PLEKHG6: variants seen among roughly 807,000 people sequenced by gnomAD.
PLEKHG6 encodes pleckstrin homology domain-containing family G member 6.
A neutral mutation model predicts 97.5 loss-of-function variants in PLEKHG6; 91 were observed. The ratio of observed to expected loss-of-function variants is 0.93; its 90% CI spans 0.79 to 1.11. The LOEUF is 1.11. PLEKHG6 is among the 50% of genes most tolerant of loss of function. The pLI, the probability that PLEKHG6 is intolerant of heterozygous loss-of-function variation, is 0.00. For missense variants in PLEKHG6, 1,044 were observed against 1,031.0 expected (o/e 1.01, Z -0.17); for synonymous variants, 466 against 425.5 (o/e 1.10, Z -1.17).
chr12:6,321,688 G>A (rs4764575), intron 13 of PLEKHG6, among the ~76,000 whole-genome samples: 79,626 of 150,732 alleles, frequency 0.53, 21,929 homozygotes, highest in Non-Finnish European at 0.62. Context: ...TTAGCCGGGC[G>A]CGGTGGCGGG....
At chr12:6,325,764 T>G (rs932001432) in intron 13 of PLEKHG6, among the ~76,000 whole-genome samples, 1 of 152,178 alleles carries the variant, frequency 6.6e-6, no homozygotes, top group African/African-American at 2.4e-5. Context: ...GGGGAAGACC[T>G]GATAACAGGT....
chr12:6,317,256 G>T, intron 7 of PLEKHG6, 47 bp from the exon 8 acceptor site: 1 of 1,233,378 alleles, frequency 8.1e-7, no homozygotes. Context: ...TGTATTCATG[G>T]CCTTCTCCCC....
At chr12:6,312,396 G>T (rs1947302814) in intron 2 of PLEKHG6, 32 bp downstream of exon 2, 1 of 1,555,068 alleles carries the variant, frequency 6.4e-7, no homozygotes, top group Non-Finnish European at 8.6e-7. Context: ...AAAGTGACCT[G>T]GTGGGGCAGG....
rs149256065 is a variant in PLEKHG6 at position 6,312,758 on chromosome 12, G to C, written c.138+394G>C. 6.1e-4 allele frequency: 721 copies of C among 1,180,302 alleles called. 5 individuals carry two copies. The African/African-American group carries it at 0.01, about 16-fold the overall frequency. The allele number at this position is 1,180,302 out of a possible 1,614,324, so 73.1% of individuals were successfully genotyped here. ...TGAGTCAGGATGAAGATGAGCAAAG[G>C]TTCAGGGTGTCCCTACTCCTCCAGT... On this transcript the variant is annotated intron_variant, in intron 2 of 15. Coordinates refer to ENST00000684764, the MANE Select transcript of PLEKHG6 (RefSeq NM_001384598.1).
chr12:6,313,516 G>T, intron 2 of PLEKHG6, 113 bp from the exon 3 acceptor site: 1 of 1,300,590 alleles, frequency 7.7e-7, no homozygotes, highest in East Asian at 2.4e-5. Context: ...GAGCCAGCCC[G>T]ACTTACCAGG....
intron 10 of PLEKHG6, 33 bp downstream of exon 10, chr12:6,318,027 G>A: frequency 1.9e-6 from 3 of 1,562,010 alleles, no homozygotes; most frequent in Non-Finnish European, 2.6e-6. Flanking sequence ...CCCAGGAAAA[G>A]CAAGGTCCCA....
At chr12:6,323,294 A>G (rs1434242603) in intron 13 of PLEKHG6, among the ~76,000 whole-genome samples, 2 of 152,236 alleles carry the variant, frequency 1.3e-5, no homozygotes, top group Non-Finnish European at 2.9e-5. Context: ...AAGAAAACTG[A>G]AACTTTGAAA....
intron 3 of PLEKHG6, among the ~76,000 whole-genome samples, chr12:6,314,277 C>T (rs776853153): frequency 1.7e-4 from 26 of 152,144 alleles, no homozygotes; most frequent in African/African-American, 4.3e-4. Flanking sequence ...CCAAGACGGG[C>T]GGATCACCTG....
rs1287126087 is a variant in PLEKHG6, at chr12:6,316,308, G to A, written c.660G>A (p.Arg220=). ...GNVPSLIRTH[R]SFWDEVLGPT... is the part of the protein sequence containing the mutation. The stretch of plus-strand genomic sequence containing the variant: ...TCCCCAGCCTGATTCGAACCCACCG[G>A]AGCTTTTGGGATGAGGTGCTGGGGC... Residue 220 remains arginine, a synonymous_variant, in exon 7 of 16, where the codon CGG becomes CGA. Transcript: ENST00000684764. This position sits in a 1 kb window ranked among gnomAD's most constrained non-coding sequence, Gnocchi z 4.1. The A allele has an allele frequency of 6.4e-7, 1 of 1,556,994 alleles. No individual in the cohort carries two copies. The highest frequency in any genetic ancestry group is 1.2e-5 in the South Asian group (1 of 84,350).
At position 6,317,379 on chromosome 12, in the gene PLEKHG6, A is replaced by T; in HGVS notation, c.833A>T (p.Gln278Leu). ...ACCATGGCTTACGCCCGAGAACAGC[A>T]AGAAACTAACCCTCTCTTCCATGCC... is the stretch of plus-strand genomic sequence containing the variant. ...KQTMAYAREQQETNPLFHAFV... is the reference protein window; with the variant it reads ...KQTMAYAREQLETNPLFHAFV... Residue 278 changes from glutamine (Q) to leucine (L), a missense_variant, in exon 8 of 16, where the codon CAA (glutamine) becomes CTA (leucine). Gln to Leu is a moderately radical substitution (Grantham distance 113). Transcript: ENST00000684764. 5 of 1,614,108 alleles carry T rather than the reference A, an allele frequency of 3.1e-6. No individual in the cohort carries two copies. The highest frequency in any genetic ancestry group is 4.2e-6 in the Non-Finnish European group (5 of 1,179,998).
chr12:6,312,961 T>C lies in PLEKHG6; in HGVS notation c.138+597T>C, dbSNP rs143599995. The C allele has an allele frequency of 1.2e-3, 1,702 of 1,425,718 alleles. 15 individuals are homozygous for C. The African/African-American group carries it at 0.022, about 19-fold the overall frequency. 88.3% of individuals were successfully genotyped at this position (1,425,718 alleles called of 1,614,324 possible). A position where few individuals can be genotyped will look rare whatever the true frequency, so the allele number is the denominator to read the frequency against. The stretch of plus-strand genomic sequence containing the variant: ...GTGGCTGGGACATCCCCTGCCTCAA[T>C]GCACGATAATTTTGCCTTTGGAGAT... On this transcript the variant is annotated intron_variant, in intron 2 of 15. Coordinates refer to ENST00000684764, the MANE Select transcript of PLEKHG6 (RefSeq NM_001384598.1).
Position 6,318,863 on chromosome 12 carries a change from C to G in PLEKHG6, c.1394C>G (p.Pro465Arg). 6.2e-7 allele frequency: 1 copy of G among 1,614,234 alleles called. No homozygotes were observed. The highest frequency in any genetic ancestry group is 8.5e-7 in the Non-Finnish European group (1 of 1,180,038). ...ATGCTGGAGAAGCTCGTGTGCCAAC[C>G]CCTGCGAGACCCCAGTACGTCCTTC... ...PLMLEKLVCQPLRDPNSFLLI... is the reference protein window; with the variant it reads ...PLMLEKLVCQRLRDPNSFLLI... Residue 465 changes from proline (P) to arginine (R), a missense_variant, in exon 12 of 16, where the codon CCC becomes CGC. Physicochemically the swap from Pro to Arg is moderately radical, Grantham distance 103. Coordinates refer to ENST00000684764, the MANE Select transcript of PLEKHG6 (RefSeq NM_001384598.1).
chr12:6,315,471 A>T lies in PLEKHG6; in HGVS notation c.460-83A>T. The T allele has an allele frequency of 1.1e-6, 1 of 895,346 alleles. No individual in the cohort carries two copies. Among genetic ancestry groups the T allele is most frequent in the Non-Finnish European group, 1.8e-6 (1 of 570,180 alleles). The allele number at this position is 895,346 out of a possible 1,614,324, so 55.5% of individuals were successfully genotyped here. A position where few individuals can be genotyped will look rare whatever the true frequency, so the allele number is the denominator to read the frequency against. On this transcript the variant is annotated intron_variant, in intron 4 of 15. Coordinates refer to ENST00000684764, the MANE Select transcript of PLEKHG6 (RefSeq NM_001384598.1). The surrounding 1 kb of genome is among the most constrained non-coding windows in gnomAD (Gnocchi z 4.5). ...TGCACAAAGTGCCTAGAACCTATGAAGTGGATCCGGTCGCACTTAACAGCT... is the reference window on the plus strand; with the variant it reads ...TGCACAAAGTGCCTAGAACCTATGATGTGGATCCGGTCGCACTTAACAGCT...
Position 6,316,379 on chromosome 12 carries a change from T to A in PLEKHG6, c.731T>A (p.Ile244Asn). 6.4e-7 allele frequency: 1 copy of A among 1,573,170 alleles called. No homozygotes were observed. The highest frequency in any genetic ancestry group is 8.6e-7 in the Non-Finnish European group (1 of 1,158,664). The change falls in exon 7 of 16, where the codon ATT becomes AAT. Residue 244 changes from isoleucine to asparagine, a missense_variant. Transcript: ENST00000684764. The surrounding 1 kb of genome is among the most constrained non-coding windows in gnomAD (Gnocchi z 4.1). ...GCCTCGGGCCAGCCTCTGGACCCCA[T>A]TGGTCTGCAAAGTGGCTTCCTGACG... The part of the protein sequence containing the change: ...TRASGQPLDP[I>N]GLQSGFLTFG...
intron 13 of PLEKHG6, among the ~76,000 whole-genome samples, chr12:6,324,830 G>C (rs187349978): frequency 6.6e-6 from 1 of 152,186 alleles, no homozygotes; most frequent in African/African-American, 2.4e-5. Flanking sequence ...AGGTGCCCAG[G>C]AGTTGCTGGC....
chr12:6,315,720 G>A lies in PLEKHG6; in HGVS notation c.555+71G>A. 1 of 1,245,946 alleles carries A rather than the reference G, an allele frequency of 8.0e-7. No homozygotes were observed. The highest frequency in any genetic ancestry group is 1.1e-6 in the Non-Finnish European group (1 of 882,750). 77.2% of individuals were successfully genotyped at this position (1,245,946 alleles called of 1,614,324 possible). On this transcript the variant is annotated intron_variant, in intron 5 of 15. Coordinates refer to ENST00000684764, the MANE Select transcript of PLEKHG6 (RefSeq NM_001384598.1). This position sits in a 1 kb window ranked among gnomAD's most constrained non-coding sequence, Gnocchi z 4.5. Reference sequence around the variant, plus strand: ...AGCCCCCATCCTCCCAGACTGGAAGGCAGGTCACTGGGGGAGGGAGGGGCA... The same window carrying A: ...AGCCCCCATCCTCCCAGACTGGAAGACAGGTCACTGGGGGAGGGAGGGGCA...
rs773862568 is a variant in PLEKHG6 at position 6,312,318 on chromosome 12, C to T, written c.92C>T (p.Ala31Val). 5.7e-6 allele frequency: 9 copies of T among 1,579,788 alleles called. No individual in the cohort carries two copies. In the Admixed American group the frequency reaches 1.5e-4, roughly 27 times the overall value. ...TATGGGGGCCGGCATCGAGCCTCTG[C>T]TCAGAGCACTGCTGGCAGACTCTAT... ...ETYGGRHRAS[A>V]QSTAGRLYPR... Residue 31 changes from alanine (A) to valine (V), a missense_variant, in exon 2 of 16, where the codon GCT becomes GTT. By Grantham distance (64) the Ala-to-Val change is moderately conservative (BLOSUM62 0). Transcript: ENST00000684764.
At chr12:6,313,125 G>A in intron 2 of PLEKHG6, 1 of 1,543,072 alleles carries the variant, frequency 6.5e-7, no homozygotes, top group Non-Finnish European at 8.8e-7. Context: ...TCACACAGAA[G>A]GGCAGCCACT....
At chr12:6,318,905 C>A in intron 12 of PLEKHG6, 28 bp downstream of exon 12, 1 of 1,614,002 alleles carries the variant, frequency 6.2e-7, no homozygotes, top group Non-Finnish European at 8.5e-7. Flanking sequence ...GGAGTCTTTT[C>A]TTCTCCCTCT....
Sources: gnomAD v4.1 joint callset for allele counts (sites outside exome capture counted in the v4.1 genomes callset) on GRCh38, gnomAD v4.1.1 for gene constraint, Gnocchi (gnomAD v3.1) non-coding constraint, MANE v1.5 for transcripts, NCBI Gene and HGNC (gene_info 2026-07-23, HGNC 2026-07-21) for gene names.